Variants in ZNF638 observed in about 807,000 individuals in gnomAD.
ZNF638 encodes the protein zinc finger protein 638, also known as CTCL tumor antigen se33-1.
In ZNF638, 46 loss-of-function variants were observed where a neutral mutation model predicts 195.6. That is an observed-to-expected ratio of 0.24 (90% CI 0.19 to 0.30). The LOEUF (loss-of-function observed/expected upper bound fraction) is 0.30. ZNF638 is among the 10% of genes least tolerant of loss of function. The pLI, the probability that ZNF638 is intolerant of heterozygous loss-of-function variation, is 1.00. For missense variants in ZNF638, 2,440 were observed against 2,325.3 expected, an observed-to-expected ratio of 1.05 and a Z score of -1.01; for synonymous variants, 845 against 772.0, an observed-to-expected ratio of 1.09 and a Z score of -1.57.
intron 1 of ZNF638, among the ~76,000 whole-genome samples, chr2:71,336,437 G>A (rs2078671884): frequency 6.9e-6 from 1 of 145,514 alleles, no homozygotes; most frequent in Admixed American, 6.8e-5. Flanking sequence ...CAAATTGCTA[G>A]ATCTCAATAT....
rs1310282341 is a variant in ZNF638, at chr2:71,426,903, A to T, written c.5034A>T (p.Glu1678Asp). 11 of 1,614,184 alleles carry T rather than the reference A, an allele frequency of 6.8e-6. No homozygotes were observed. The highest frequency in any genetic ancestry group is 9.3e-6 in the Non-Finnish European group (11 of 1,180,018). Residue 1678 changes from glutamate (E) to aspartate (D), a missense_variant, in exon 24 of 28, where the codon GAA becomes GAT. This residue lies in a region of ZNF638 where 1,883 missense variants were observed against 1,739.1 expected (regional missense o/e 1.08). Coordinates refer to ENST00000264447, the MANE Select transcript of ZNF638 (RefSeq NM_014497.5). ...VAEEQDLLKQ[E>D]RLVTVDEIGE... ...AAGAACAAGATCTCCTCAAACAGGA[A>T]CGCTTGGTAACTGTGGATGAAATTG...
chr2:71,418,369 G>A (rs1359574435), intron 20 of ZNF638: 3 of 333,658 alleles, frequency 9.0e-6, no homozygotes, highest in Non-Finnish European at 1.6e-5. Context: ...CATTATTAAG[G>A]AAACTTATTT....
At chr2:71,336,582 C>T (rs2078674784) in intron 1 of ZNF638, among the ~76,000 whole-genome samples, 1 of 152,114 alleles carries the variant, frequency 6.6e-6, no homozygotes, top group Admixed American at 6.6e-5. Flanking sequence ...TTTTTGAGCA[C>T]CTGTTGCATG....
Position 71,368,395 on chromosome 2 carries a change from A to G in ZNF638, c.2009A>G (p.Gln670Arg), listed in dbSNP as rs1558847130. The G allele has an allele frequency of 3.1e-6, 5 of 1,609,940 alleles. No homozygotes were observed. The highest frequency in any genetic ancestry group is 4.2e-6 in the Non-Finnish European group (5 of 1,178,618). ...CTCCAAAAATAGCTTCGGAAAGAACAGTCATTGCATTATGGTTCGGTTCTT... is the reference window on the plus strand; with the variant it reads ...CTCCAAAAATAGCTTCGGAAAGAACGGTCATTGCATTATGGTTCGGTTCTT... ...VSLQRKLRKE[Q>R]SLHYGSVLLI... Residue 670 changes from glutamine to arginine, a missense_variant, in exon 7 of 28, where the codon CAG (glutamine) becomes CGG (arginine). Gln to Arg is a conservative substitution (Grantham distance 43, BLOSUM62 1). This residue lies in a region of ZNF638 where 1,883 missense variants were observed against 1,739.1 expected (regional missense o/e 1.08). Coordinates refer to ENST00000264447, the MANE Select transcript of ZNF638 (RefSeq NM_014497.5).
In ZNF638 at chr2:71,397,298, A is replaced by G. The variant is rs1356512606; in HGVS notation, c.2428+1107A>G. Among the ~76,000 whole-genome samples, 3 of 152,314 alleles carry G rather than the reference A, an allele frequency of 2.0e-5. No homozygotes were observed. The East Asian group carries it at 5.8e-4, about 29-fold the overall frequency. On this transcript the variant is annotated intron_variant, in intron 11 of 27. Coordinates refer to ENST00000264447, the MANE Select transcript of ZNF638 (RefSeq NM_014497.5). ...GATAGAAGTGATTTGTGATAATAAC[A>G]TAGGGATAGTGAAAGAAATATCTTA... is the stretch of plus-strand genomic sequence containing the variant.
intron 1 of ZNF638, among the ~76,000 whole-genome samples, chr2:71,336,982 A>T (rs1171377900): frequency 6.6e-6 from 1 of 152,164 alleles, no homozygotes; most frequent in Non-Finnish European, 1.5e-5. Context: ...TTCCCCAAAG[A>T]TTAGATTATT....
chr2:71,398,191 G>A (rs2079933992), intron 11 of ZNF638, among the ~76,000 whole-genome samples: 1 of 151,988 alleles, frequency 6.6e-6, no homozygotes, highest in African/African-American at 2.4e-5. Flanking sequence ...TTAGATTTTG[G>A]ATTTTTTTTC....
At chr2:71,379,681 C>G (rs1305268557) in intron 8 of ZNF638, 2 of 152,182 alleles carry the variant, frequency 1.3e-5, no homozygotes, top group Admixed American at 1.3e-4. Flanking sequence ...ATCTACAGTA[C>G]AGTAAGATAT....
intron 4 of ZNF638, 90 bp downstream of exon 4, chr2:71,363,281 A>G: frequency 1.0e-6 from 1 of 1,002,578 alleles, no homozygotes; most frequent in East Asian, 2.7e-5. Flanking sequence ...TTTGAGTTCT[A>G]CTTCTGCCAT....
At chr2:71,408,481 TGTAG>T in intron 20 of ZNF638, 1 of 436,658 alleles carries the variant, frequency 2.3e-6, no homozygotes, top group African/African-American at 2.0e-5. Context: ...ACTGTTGACA[TGTAG>T]GTATCTACAT....
At chr2:71,332,628 C>G (rs2078592744) in intron 1 of ZNF638, among the ~76,000 whole-genome samples, 1 of 152,140 alleles carries the variant, frequency 6.6e-6, no homozygotes, top group African/African-American at 2.4e-5. Context: ...TTGTGTGATT[C>G]TTAGCTTGGG....
intron 1 of ZNF638, among the ~76,000 whole-genome samples, chr2:71,338,899 T>C (rs56753093): frequency 0.034 from 5,133 of 152,272 alleles, 164 homozygotes; most frequent in African/African-American, 0.087. Context: ...TAAAACTGTA[T>C]AGTAAGATGC....
chr2:71,349,942 C>G lies in ZNF638; in HGVS notation c.988C>G (p.Pro330Ala). The change falls in exon 2 of 28, where the codon CCA (proline) becomes GCA (alanine). Residue 330 changes from proline to alanine, a missense_variant. By Grantham distance (27) the Pro-to-Ala change is conservative. Transcript: ENST00000264447. Reference sequence around the variant, plus strand: ...GACAATGAGTCAATCTCTGATTCCTCCATCTATGAACCAGCAACCTTTTTC... The same window carrying G: ...GACAATGAGTCAATCTCTGATTCCTGCATCTATGAACCAGCAACCTTTTTC... ...SQTMSQSLIP[P>A]SMNQQPFSSE... 3.1e-6 allele frequency: 5 copies of G among 1,614,206 alleles called. No homozygotes were observed. Among genetic ancestry groups the G allele is most frequent in the Non-Finnish European group, 4.2e-6 (5 of 1,180,038 alleles).
rs775003435 is a variant in ZNF638, at chr2:71,423,957, G to A, written c.4443G>A (p.Leu1481=). The change falls in exon 22 of 28, where the codon CTG becomes CTA. Residue 1481 remains leucine, a synonymous_variant. Coordinates refer to ENST00000264447, the MANE Select transcript of ZNF638 (RefSeq NM_014497.5). Reference sequence around the variant, plus strand: ...CCCTGCAAGGCAAGCTTTCTAAACTGGATTACAGAGATATAACAAAACAAT... The same window carrying A: ...CCCTGCAAGGCAAGCTTTCTAAACTAGATTACAGAGATATAACAAAACAAT... The part of the protein sequence containing the change: ...ISALQGKLSK[L]DYRDITKQSQ... 2.5e-5 allele frequency: 41 copies of A among 1,613,886 alleles called. No homozygotes were observed.
At chr2:71,434,343 G>C (rs115403771) in intron 27 of ZNF638, among the ~76,000 whole-genome samples, 2,229 of 152,186 alleles carry the variant, frequency 0.015, 56 homozygotes, top group African/African-American at 0.049. Context: ...TCCCCAGAAA[G>C]GTCTGCTTAA....
intron 5 of ZNF638, 99 bp from the exon 6 acceptor site, chr2:71,365,330 C>T: frequency 1.0e-6 from 1 of 968,476 alleles, no homozygotes; most frequent in African/African-American, 1.7e-5. Flanking sequence ...TCTGTGTGCT[C>T]CCTGTTTAGC....
At chr2:71,350,818 A>G (rs2078926858) in intron 2 of ZNF638, among the ~76,000 whole-genome samples, 1 of 152,228 alleles carries the variant, frequency 6.6e-6, no homozygotes, top group Non-Finnish European at 1.5e-5. Flanking sequence ...CATAGCAAAA[A>G]TAAGTCAAGG....
chr2:71,378,629 A>G (rs529654576), intron 8 of ZNF638, among the ~76,000 whole-genome samples: 2 of 152,338 alleles, frequency 1.3e-5, no homozygotes, highest in South Asian at 4.1e-4. Flanking sequence ...CATATGTATT[A>G]TGTTTGTTTT....
At chr2:71,343,053 C>T (rs1404959456) in intron 1 of ZNF638, among the ~76,000 whole-genome samples, 1 of 152,096 alleles carries the variant, frequency 6.6e-6, no homozygotes, top group Non-Finnish European at 1.5e-5. Flanking sequence ...TATTTGAAAT[C>T]TCATTTGTAC....
Sources: allele counts gnomAD v4.1 joint callset (sites outside exome capture counted in the v4.1 genomes callset), GRCh38; gene constraint gnomAD v4.1.1; regional missense constraint gnomAD v4.1.1; transcripts MANE v1.5; gene names NCBI Gene and HGNC (gene_info 2026-07-23, HGNC 2026-07-21).